The following RAB38 variants were observed in gnomAD, a reference collection of about 807,000 sequenced individuals.
The protein encoded by RAB38 is ras-related protein Rab-38.
A neutral mutation model predicts 18.4 loss-of-function variants in RAB38; 15 were observed. The ratio of observed to expected loss-of-function variants is 0.82; its 90% CI spans 0.55 to 1.26. The LOEUF is 1.26. Among genes scored for constraint, RAB38 ranks in the 50% most tolerant of loss-of-function variants. RAB38 has a pLI of 0.00. For synonymous variants in RAB38, 101 were observed against 104.4 expected, an observed-to-expected ratio of 0.97 and a Z score of 0.20; for missense variants, 294 against 267.4, an observed-to-expected ratio of 1.10 and a Z score of -0.69.
At chr11:88,057,454 T>C in the RAB38 span, among the ~76,000 whole-genome samples, 3 of 151,218 alleles carry the variant, frequency 2.0e-5, no homozygotes, top group Non-Finnish European at 4.4e-5. Flanking sequence ...CTTACTTTCA[T>C]TAGTCTATCA....
the RAB38 span, among the ~76,000 whole-genome samples, chr11:87,963,016 T>C: frequency 6.6e-6 from 1 of 152,150 alleles, no homozygotes; most frequent in Admixed American, 6.6e-5. Flanking sequence ...ATGAGACTAT[T>C]GATATGAAAG....
the RAB38 span, among the ~76,000 whole-genome samples, chr11:87,906,959 CATTT>C: frequency 2.6e-5 from 4 of 151,764 alleles, no homozygotes; most frequent in Admixed American, 6.6e-5. Flanking sequence ...ATTATAATAA[CATTT>C]ATTTATTGAC....
At chr11:87,843,079 C>T in the RAB38 span, among the ~76,000 whole-genome samples, 1 of 152,156 alleles carries the variant, frequency 6.6e-6, no homozygotes, top group Non-Finnish European at 1.5e-5. Flanking sequence ...AGCTCCCAGA[C>T]TCATTCTTTA....
At chr11:87,919,524 A>C in the RAB38 span, among the ~76,000 whole-genome samples, 76 of 151,942 alleles carry the variant, frequency 5.0e-4, 1 homozygote, top group African/African-American at 1.8e-3. Flanking sequence ...AAGAATTTTT[A>C]ATCCATCATT....
At chr11:88,110,304 T>G (rs574317766), downstream of RAB38, among the ~76,000 whole-genome samples, 1 of 151,618 alleles carries the variant, frequency 6.6e-6, no homozygotes, top group East Asian at 1.9e-4. Flanking sequence ...TTCTCACTCA[T>G]AAGTGGGAGT....
intron 1 of RAB38, among the ~76,000 whole-genome samples, chr11:88,152,798 A>C (rs1257395068): frequency 1.3e-5 from 2 of 152,254 alleles, no homozygotes; most frequent in African/African-American, 4.8e-5. Flanking sequence ...CCTTGATTTT[A>C]GATCACTTAT....
intron 2 of RAB38, among the ~76,000 whole-genome samples, chr11:88,143,984 T>A (rs1942950522): frequency 6.6e-6 from 1 of 152,202 alleles, no homozygotes; most frequent in Non-Finnish European, 1.5e-5. Context: ...TAGCTTGAAT[T>A]TGAGACTCAT....
At chr11:88,090,277 CT>C in the RAB38 span, among the ~76,000 whole-genome samples, 1 of 152,002 alleles carries the variant, frequency 6.6e-6, no homozygotes, top group South Asian at 2.1e-4. Context: ...GTTTCTTTTT[CT>C]TTAGTCAAAT....
chr11:88,015,734 C>T, the RAB38 span, among the ~76,000 whole-genome samples: 133 of 152,220 alleles, frequency 8.7e-4, no homozygotes, highest in African/African-American at 2.9e-3. Flanking sequence ...TCAGCTGTTG[C>T]GTGTTCCTAA....
At chr11:87,956,519 C>A in the RAB38 span, among the ~76,000 whole-genome samples, 2 of 152,020 alleles carry the variant, frequency 1.3e-5, no homozygotes, top group African/African-American at 4.8e-5. Context: ...TCTCAGATGC[C>A]ATAGTAGGAG....
chr11:87,904,075 A>G, the RAB38 span, among the ~76,000 whole-genome samples: 2 of 151,282 alleles, frequency 1.3e-5, no homozygotes, highest in African/African-American at 4.8e-5. Context: ...AATGCTTTTT[A>G]AAGTTATTGG....
chr11:87,814,449 T>C, the RAB38 span, among the ~76,000 whole-genome samples: 1 of 152,208 alleles, frequency 6.6e-6, no homozygotes, highest in Non-Finnish European at 1.5e-5. Flanking sequence ...GTAAATATAC[T>C]ATGTACAATT....
chr11:88,165,616 G>T (rs2134851411), intron 1 of RAB38: 1 of 152,116 alleles, frequency 6.6e-6, no homozygotes, highest in South Asian at 2.1e-4. Context: ...AAAGTGATAA[G>T]GAACAAAGGT....
chr11:88,109,655 CAACTT>C (rs1942447952), downstream of RAB38, among the ~76,000 whole-genome samples: 1 of 151,954 alleles, frequency 6.6e-6, no homozygotes, highest in Non-Finnish European at 1.5e-5. Context: ...AATCTACAAA[CAACTT>C]AAACATATTT....
At chr11:88,028,859 G>C in the RAB38 span, among the ~76,000 whole-genome samples, 7 of 151,722 alleles carry the variant, frequency 4.6e-5, no homozygotes, top group African/African-American at 1.7e-4. Context: ...CCAACATTCA[G>C]ATTCAGGAAA....
chr11:87,960,086 G>A, the RAB38 span, among the ~76,000 whole-genome samples: 5 of 152,104 alleles, frequency 3.3e-5, no homozygotes, highest in Admixed American at 6.6e-5. Context: ...TGTCAAAGCT[G>A]GGATATGAAC....
At chr11:87,872,319 A>C in the RAB38 span, among the ~76,000 whole-genome samples, 1 of 151,560 alleles carries the variant, frequency 6.6e-6, no homozygotes, top group Non-Finnish European at 1.5e-5. Context: ...AATTTTAGGT[A>C]CACAACAATT....
intron 2 of RAB38, among the ~76,000 whole-genome samples, chr11:88,130,105 C>A (rs955607433): frequency 6.6e-6 from 1 of 152,014 alleles, no homozygotes; most frequent in African/African-American, 2.4e-5. Context: ...GTAAGTTATT[C>A]TCACAGATGG....
chr11:87,975,842 A>C, the RAB38 span, among the ~76,000 whole-genome samples: 347 of 151,800 alleles, frequency 2.3e-3, 3 homozygotes, highest in African/African-American at 8.0e-3. Context: ...ATCAAGACTG[A>C]CCAAAGAAAA....
Sources: allele counts gnomAD v4.1 joint callset (sites outside exome capture counted in the v4.1 genomes callset), GRCh38; gene constraint gnomAD v4.1.1; transcripts MANE v1.5; gene names NCBI Gene and HGNC (gene_info 2026-07-23, HGNC 2026-07-21).